Variants in TEAD1 observed in about 807,000 individuals in gnomAD.
TEAD1 encodes the protein TEA domain transcription factor 1.
Under a neutral mutation model 54.9 loss-of-function variants are expected in TEAD1, and 9 were observed. The ratio of observed to expected loss-of-function variants is 0.16; its 90% CI spans 0.10 to 0.29. TEAD1 has a LOEUF of 0.29. Ranked by LOEUF, TEAD1 falls within the 10% of genes least tolerant of loss-of-function variation. The pLI, the probability that TEAD1 is intolerant of heterozygous loss-of-function variation, is 1.00. For missense variants in TEAD1, 387 were observed against 535.9 expected (o/e 0.72, Z 2.74); for synonymous variants, 200 against 187.8 (o/e 1.07, Z -0.53).
chr11:12,726,611 A>G (rs988086144), intron 2 of TEAD1, among the ~76,000 whole-genome samples: 4 of 152,226 alleles, frequency 2.6e-5, no homozygotes, highest in South Asian at 2.1e-4. Context: ...GCTCATGTCT[A>G]TAATTCCAGC....
At chr11:12,918,540 C>A (rs1866712) in intron 10 of TEAD1, among the ~76,000 whole-genome samples, 1 of 151,806 alleles carries the variant, frequency 6.6e-6, no homozygotes, top group East Asian at 1.9e-4. Context: ...TAAATTTACA[C>A]TAATAATTAA....
chr11:12,722,331 G>T (rs115912319), intron 2 of TEAD1, among the ~76,000 whole-genome samples: 3,221 of 152,220 alleles, frequency 0.021, 118 homozygotes, highest in African/African-American at 0.074. Flanking sequence ...GAACGCAAGA[G>T]GGGAAGACTC....
chr11:12,764,179 G>C lies in TEAD1; in HGVS notation c.-54G>C. On this transcript the variant is annotated splice_region_variant and 5_prime_UTR_variant, in exon 3 of 13. Coordinates refer to ENST00000527636, the MANE Select transcript of TEAD1 (RefSeq NM_021961.6). The stretch of plus-strand genomic sequence containing the variant: ...TACTGTTTTTGGTTTTCTCTTCTAG[G>C]TTTATTTTCTTGAAAAGGCTCCAGG... The C allele has an allele frequency of 6.3e-7, 1 of 1,584,248 alleles. No homozygotes were observed. The highest frequency in any genetic ancestry group is 8.6e-7 in the Non-Finnish European group (1 of 1,168,184).
intron 2 of TEAD1, among the ~76,000 whole-genome samples, chr11:12,761,809 GAT>G (rs1453530084): frequency 6.6e-6 from 1 of 152,000 alleles, no homozygotes; most frequent in African/African-American, 2.4e-5. Context: ...GTTTTCGCCT[GAT>G]AAATGGAAGC....
chr11:12,933,966 G>A (rs1185268119), intron 12 of TEAD1, among the ~76,000 whole-genome samples: 2 of 152,160 alleles, frequency 1.3e-5, no homozygotes, highest in Admixed American at 1.3e-4. Context: ...AACCATTGTG[G>A]AAGTCAGTGT....
At chr11:12,676,105 C>T (rs950210145) in intron 2 of TEAD1, among the ~76,000 whole-genome samples, 7 of 152,102 alleles carry the variant, frequency 4.6e-5, no homozygotes, top group Admixed American at 3.9e-4. Context: ...TGGAAGGAGC[C>T]CAGGTCTTGG....
chr11:12,748,885 A>C (rs1358772013), intron 2 of TEAD1, among the ~76,000 whole-genome samples: 1 of 151,892 alleles, frequency 6.6e-6, no homozygotes, highest in Non-Finnish European at 1.5e-5. Context: ...TGGGGGTCAA[A>C]TGGACGTTCT....
chr11:12,930,126 T>A, intron 11 of TEAD1, 48 bp from the exon 12 acceptor site: 1 of 1,612,984 alleles, frequency 6.2e-7, no homozygotes. Context: ...GTTTCATGTG[T>A]TTTGGAGTCA....
intron 2 of TEAD1, among the ~76,000 whole-genome samples, chr11:12,696,751 GC>G (rs947954760): frequency 3.9e-4 from 59 of 152,178 alleles, no homozygotes; most frequent in African/African-American, 1.4e-3. Flanking sequence ...TCCTAGGGAG[GC>G]CCCGTTCAGC....
intron 3 of TEAD1, among the ~76,000 whole-genome samples, chr11:12,854,649 T>G (rs1355339615): frequency 6.6e-6 from 1 of 152,002 alleles, no homozygotes; most frequent in Non-Finnish European, 1.5e-5. Flanking sequence ...TGGAGTACAG[T>G]GGTGTGATCT....
chr11:12,872,772 G>T (rs1041028888), intron 5 of TEAD1, among the ~76,000 whole-genome samples: 1 of 152,148 alleles, frequency 6.6e-6, no homozygotes, highest in African/African-American at 2.4e-5. Context: ...CTATCCAAAA[G>T]GTTATCTAGT....
At chr11:12,821,981 T>TTTTTTTTTTTTTTTTG (rs1554938066) in intron 3 of TEAD1, among the ~76,000 whole-genome samples, 1 of 131,930 alleles carries the variant, frequency 7.6e-6, no homozygotes, top group African/African-American at 2.8e-5. Flanking sequence ...TTTTTTTTTT[T>TTTTTTTTTTTTTTTTG]GAGACAGAGT....
At chr11:12,885,376 C>T (rs1365854828) in intron 9 of TEAD1, among the ~76,000 whole-genome samples, 2 of 151,610 alleles carry the variant, frequency 1.3e-5, no homozygotes, top group Non-Finnish European at 3.0e-5. Flanking sequence ...GCTGGGACTA[C>T]AGGCGCCCGC....
chr11:12,743,041 T>C (rs1245761632), intron 2 of TEAD1, among the ~76,000 whole-genome samples: 1 of 152,230 alleles, frequency 6.6e-6, no homozygotes, highest in African/African-American at 2.4e-5. Flanking sequence ...TTCTTGGTTT[T>C]CAGAGTCTGA....
At chr11:12,872,083 G>A (rs1413812282) in intron 5 of TEAD1, among the ~76,000 whole-genome samples, 1 of 152,176 alleles carries the variant, frequency 6.6e-6, no homozygotes, top group Non-Finnish European at 1.5e-5. Context: ...CCTTCCAATA[G>A]GCAGAGAGCT....
intron 2 of TEAD1, among the ~76,000 whole-genome samples, chr11:12,707,023 G>A (rs1013386154): frequency 5.3e-5 from 8 of 151,588 alleles, no homozygotes; most frequent in South Asian, 4.2e-4. Context: ...GTGCCTAGGA[G>A]AAGAGTTCCA....
intron 5 of TEAD1, among the ~76,000 whole-genome samples, chr11:12,876,589 G>A (rs1014725785): frequency 6.6e-6 from 1 of 152,186 alleles, no homozygotes; most frequent in African/African-American, 2.4e-5. Flanking sequence ...CAGGCAAGAC[G>A]TCTGTGCTGC....
intron 9 of TEAD1, among the ~76,000 whole-genome samples, chr11:12,893,955 C>T (rs779064466): frequency 6.6e-5 from 10 of 152,142 alleles, no homozygotes; most frequent in Non-Finnish European, 1.0e-4. Flanking sequence ...GGCTTGGCTC[C>T]GCAGCCATTC....
At chr11:12,825,349 G>A (rs569424970) in intron 3 of TEAD1, among the ~76,000 whole-genome samples, 3 of 152,150 alleles carry the variant, frequency 2.0e-5, no homozygotes, top group Admixed American at 6.6e-5. Context: ...GCCCAATCCC[G>A]ATTCCCCCAA....
Sources: gnomAD v4.1 joint callset for allele counts (sites outside exome capture counted in the v4.1 genomes callset) on GRCh38, gnomAD v4.1.1 for gene constraint, MANE v1.5 for transcripts, NCBI Gene and HGNC (gene_info 2026-07-23, HGNC 2026-07-21) for gene names.